The following DMXL1 variants were observed in gnomAD, a reference collection of about 807,000 sequenced individuals.
The protein encoded by DMXL1 is Dmx like 1.
In DMXL1, 99 loss-of-function variants were observed where a neutral mutation model predicts 319.2. That is an observed-to-expected ratio of 0.31 (90% CI 0.26 to 0.37). The LOEUF (loss-of-function observed/expected upper bound fraction) is 0.37. Among genes scored for constraint, DMXL1 ranks in the 10% least tolerant of loss-of-function variants. The probability of loss-of-function intolerance (pLI) is 1.00; values close to 1 mark genes in which losing one functional copy is unlikely to be tolerated. For synonymous variants in DMXL1, 1,385 were observed against 1,235.2 expected (o/e 1.12, Z -2.54); for missense variants, 3,745 against 3,595.6 (o/e 1.04, Z -1.06).
At chr5:119,136,923 G>A (rs187703974) in intron 13 of DMXL1, among the ~76,000 whole-genome samples, 18 of 152,366 alleles carry the variant, frequency 1.2e-4, no homozygotes, top group African/African-American at 2.2e-4. Flanking sequence ...GAGTTGGAGC[G>A]TCCCACAGAG....
chr5:119,173,406 A>G lies in DMXL1; in HGVS notation c.6681+1437A>G, dbSNP rs543862826. ...TTAGTGGCTTAAAAAGCCATCATTT[A>G]TTTTGCTTATAATTCTGTGAGTTGG... On this transcript the variant is annotated intron_variant, in intron 25 of 43. Coordinates refer to ENST00000539542, the MANE Select transcript of DMXL1 (RefSeq NM_001290321.3). Among the ~76,000 whole-genome samples, 90 of 149,270 alleles carry G rather than the reference A, an allele frequency of 6.0e-4. 1 individual carries two copies. The highest frequency in any genetic ancestry group is 2.2e-3 in the African/African-American group (90 of 40,738).
intron 14 of DMXL1, among the ~76,000 whole-genome samples, chr5:119,144,282 G>T (rs1768045977): frequency 6.6e-6 from 1 of 151,672 alleles, no homozygotes; most frequent in South Asian, 2.1e-4. Context: ...CCAATTTGTG[G>T]CTAAATAAAA....
intron 25 of DMXL1, among the ~76,000 whole-genome samples, chr5:119,174,390 A>G (rs1324043846): frequency 6.6e-6 from 1 of 152,144 alleles, no homozygotes; most frequent in Non-Finnish European, 1.5e-5. Flanking sequence ...GTGAGTGGAG[A>G]AGTACGTCCA....
At chr5:119,155,797 A>G (rs987541010) in intron 19 of DMXL1, among the ~76,000 whole-genome samples, 1 of 146,918 alleles carries the variant, frequency 6.8e-6, no homozygotes, top group African/African-American at 2.5e-5. Flanking sequence ...ACTGCACTCC[A>G]GCCTGGGCAA....
At chr5:119,164,130 C>A (rs1772905765) in intron 19 of DMXL1, among the ~76,000 whole-genome samples, 1 of 150,218 alleles carries the variant, frequency 6.7e-6, no homozygotes, top group East Asian at 2.0e-4. Flanking sequence ...CATGGAATTA[C>A]ATCCACAAAA....
chr5:119,225,724 T>C (rs1785423829), intron 38 of DMXL1, among the ~76,000 whole-genome samples: 1 of 152,084 alleles, frequency 6.6e-6, no homozygotes, highest in Non-Finnish European at 1.5e-5. Context: ...ATATGTAAAA[T>C]GAAGAGAATA....
chr5:119,107,856 T>C (rs2149832149), intron 4 of DMXL1, among the ~76,000 whole-genome samples: 1 of 152,346 alleles, frequency 6.6e-6, no homozygotes, highest in East Asian at 1.9e-4. Context: ...TTCTGCTTAG[T>C]GCCTGGCCTG....
At chr5:119,125,797 C>T (rs909634522) in intron 9 of DMXL1, among the ~76,000 whole-genome samples, 5 of 152,052 alleles carry the variant, frequency 3.3e-5, no homozygotes, top group Non-Finnish European at 5.9e-5. Context: ...ATCTCCTGAC[C>T]TCGTGATCCA....
intron 19 of DMXL1, among the ~76,000 whole-genome samples, chr5:119,158,298 A>C (rs573935516): frequency 6.6e-6 from 1 of 152,002 alleles, no homozygotes; most frequent in Admixed American, 6.5e-5. Context: ...ACTGTATGGA[A>C]ATGCCACTGC....
In DMXL1 at chr5:119,114,529, C is replaced by T; in HGVS notation, c.552C>T (p.Ala184=). 6.2e-7 allele frequency: 1 copy of T among 1,607,852 alleles called. No individual in the cohort carries two copies. Among genetic ancestry groups the T allele is most frequent in the South Asian group, 1.1e-5 (1 of 89,642 alleles). The change falls in exon 6 of 44, where the codon GCC becomes GCT. Residue 184 remains alanine (A), a synonymous_variant. Coordinates refer to ENST00000539542, the MANE Select transcript of DMXL1 (RefSeq NM_001290321.3). ...MKFSPDGEFF[A]TAGKDDCLLK... is the part of the protein sequence containing the mutation. ...TTTCACCAGATGGAGAATTTTTTGCCACTGCTGGGAAGGTAAATTGTGAAA... is the reference window on the plus strand; with the variant it reads ...TTTCACCAGATGGAGAATTTTTTGCTACTGCTGGGAAGGTAAATTGTGAAA...
At position 119,239,020 on chromosome 5, in the gene DMXL1, A is replaced by T. The variant is rs1185835870; in HGVS notation, c.8591A>T (p.Asp2864Val). The T allele has an allele frequency of 6.2e-7, 1 of 1,613,730 alleles. No individual in the cohort carries two copies. Among genetic ancestry groups the T allele is most frequent in the African/African-American group, 1.3e-5 (1 of 74,906 alleles). ...TWQCHNKTANDFVFVSSSSLI... is the reference protein window; with the variant it reads ...TWQCHNKTANVFVFVSSSSLI... ...CAGTGTCATAACAAAACAGCCAATG[A>T]TTTTGTCTTCGTTAGTTCCTCCTCT... The change falls in exon 41 of 44, where the codon GAT (aspartate) becomes GTT (valine). Residue 2864 changes from aspartate to valine, a missense_variant. By Grantham distance (152) the Asp-to-Val change is radical (BLOSUM62 -3). Transcript: ENST00000539542.
At chr5:119,180,743 A>G (rs1342688236) in intron 28 of DMXL1, among the ~76,000 whole-genome samples, 2 of 152,170 alleles carry the variant, frequency 1.3e-5, no homozygotes, top group African/African-American at 4.8e-5. Flanking sequence ...AATTCAATTA[A>G]GGAAAAACTT....
intron 4 of DMXL1, among the ~76,000 whole-genome samples, chr5:119,106,205 G>A (rs938169678): frequency 6.6e-6 from 1 of 152,182 alleles, no homozygotes; most frequent in Non-Finnish European, 1.5e-5. Flanking sequence ...GCCCTCTGTA[G>A]CAGGGCAGCC....
chr5:119,202,895 ATATATATATATTTATATATTTT>A, intron 32 of DMXL1, among the ~76,000 whole-genome samples: 2 of 141,076 alleles, frequency 1.4e-5, no homozygotes, highest in Non-Finnish European at 3.1e-5. Context: ...TTATATATAT[ATATATATATATTTATATATTTT>A]TATATATATA....
intron 1 of DMXL1, among the ~76,000 whole-genome samples, chr5:119,073,435 G>T (rs1436887143): frequency 1.3e-5 from 2 of 152,190 alleles, no homozygotes; most frequent in Non-Finnish European, 2.9e-5. Context: ...TATGCAGTAT[G>T]ATGGCCTATT....
At position 119,232,941 on chromosome 5, in the gene DMXL1, A is replaced by G. The variant is rs192463755; in HGVS notation, c.8339-399A>G. ...GACATTTAAAACCTTCTTTAATCTGATTTTTTTCAAAGAAAAATGTGTATA... is the reference window on the plus strand; with the variant it reads ...GACATTTAAAACCTTCTTTAATCTGGTTTTTTTCAAAGAAAAATGTGTATA... On this transcript the variant is annotated intron_variant, in intron 38 of 43. Transcript: ENST00000539542. Among the ~76,000 whole-genome samples, 261 of 151,942 alleles carry G rather than the reference A, an allele frequency of 1.7e-3. 1 individual carries two copies. Among genetic ancestry groups the G allele is most frequent in the Middle Eastern group, 0.014 (4 of 292 alleles).
rs754958490 is a variant in DMXL1 at position 119,147,346 on chromosome 5, G to A, written c.2787G>A (p.Lys929=). 5.6e-6 allele frequency: 9 copies of A among 1,613,364 alleles called. No homozygotes were observed. Among genetic ancestry groups the A allele is most frequent in the South Asian group, 1.1e-5 (1 of 91,062 alleles). The change falls in exon 17 of 44, where the codon AAG becomes AAA. Residue 929 remains lysine (K), a synonymous_variant. Coordinates refer to ENST00000539542, the MANE Select transcript of DMXL1 (RefSeq NM_001290321.3). ...PEKILSPFSQ[K]YQACRANLQS... ...AGATCCTATCTCCTTTTTCACAAAA[G>A]TATCAGGCTTGCAGAGCAAATCTCC... is the stretch of plus-strand genomic sequence containing the variant.
chr5:119,140,722 T>A (rs1463662173), intron 13 of DMXL1, among the ~76,000 whole-genome samples: 1 of 152,058 alleles, frequency 6.6e-6, no homozygotes, highest in Non-Finnish European at 1.5e-5. Flanking sequence ...TTCCAAAAAA[T>A]TGAGGAGGAG....
intron 34 of DMXL1, 21 bp from the exon 35 acceptor site, chr5:119,216,880 G>C: frequency 7.1e-7 from 1 of 1,413,114 alleles, no homozygotes; most frequent in Non-Finnish European, 9.9e-7. Context: ...GCATTTTTGT[G>C]TTTTGTTTCC....
Sources: allele counts gnomAD v4.1 joint callset (sites outside exome capture counted in the v4.1 genomes callset), GRCh38; gene constraint gnomAD v4.1.1; transcripts MANE v1.5; gene names NCBI Gene and HGNC (gene_info 2026-07-23, HGNC 2026-07-21).